The following SLC12A6 variants were observed in gnomAD, a reference collection of about 807,000 sequenced individuals.
The protein encoded by SLC12A6 is K-Cl cotransporter 3.
SLC12A6 carries 66 observed loss-of-function variants against 135.3 expected under a neutral mutation model. The observed-to-expected ratio is 0.49, with a 90% CI of 0.40 to 0.60. The LOEUF (loss-of-function observed/expected upper bound fraction) is 0.60. Among genes scored for constraint, SLC12A6 ranks in the 20% least tolerant of loss-of-function variants. The pLI is 0.00. For synonymous variants in SLC12A6, 513 were observed against 508.8 expected, an observed-to-expected ratio of 1.01 and a Z score of -0.11; for missense variants, 1,058 against 1,452.3, an observed-to-expected ratio of 0.73 and a Z score of 4.41.
chr15:34,250,514 C>A (rs1892312887), intron 12 of SLC12A6, 117 bp downstream of exon 12: 1 of 833,732 alleles, frequency 1.2e-6, no homozygotes, highest in African/African-American at 1.7e-5. Context: ...GATAATCTGG[C>A]AAGAAGTGAA....
At chr15:34,288,624 T>C (rs1489240225) in intron 2 of SLC12A6, among the ~76,000 whole-genome samples, 1 of 152,246 alleles carries the variant, frequency 6.6e-6, no homozygotes, top group Non-Finnish European at 1.5e-5. Context: ...GAGCATAGAA[T>C]GTTTTTCCAT....
chr15:34,245,688 C>T lies in SLC12A6; in HGVS notation c.1824+5G>A. On this transcript the variant is annotated splice_donor_5th_base_variant and intron_variant, in intron 14 of 25. Transcript: ENST00000354181. Reference sequence around the variant, plus strand: ...AAGAAGAGGGCATAATAAAAGGTCACTCACCCTCAGAAACGGTATGATGTT... The same window carrying T: ...AAGAAGAGGGCATAATAAAAGGTCATTCACCCTCAGAAACGGTATGATGTT... The T allele has an allele frequency of 6.2e-7, 1 of 1,610,560 alleles. No homozygotes were observed. Among genetic ancestry groups the T allele is most frequent in the Non-Finnish European group, 8.5e-7 (1 of 1,176,800 alleles).
chr15:34,300,692 C>T (rs933760389), intron 2 of SLC12A6, among the ~76,000 whole-genome samples: 1 of 151,182 alleles, frequency 6.6e-6, no homozygotes, highest in African/African-American at 2.4e-5. Context: ...ACTTGGGAGG[C>T]TGAGGCACGA....
At chr15:34,255,241 C>T in intron 8 of SLC12A6, 21 bp downstream of exon 8, 4 of 1,551,900 alleles carry the variant, frequency 2.6e-6, no homozygotes, top group East Asian at 2.2e-5. Context: ...TATTATAGAC[C>T]ACAATGAAGT....
At position 34,283,145 on chromosome 15, in the gene SLC12A6, C is replaced by T. The variant is rs144390068; in HGVS notation, c.272-7756G>A. 1.0e-3 allele frequency among the ~76,000 whole-genome samples: 157 copies of T among 152,246 alleles called. 1 individual carries two copies. The highest frequency in any genetic ancestry group is 3.5e-3 in the South Asian group (17 of 4,822). On this transcript the variant is annotated intron_variant, in intron 2 of 25. Coordinates refer to ENST00000354181, the MANE Select transcript of SLC12A6 (RefSeq NM_001365088.1). ...ATCACCTGAGGTCAGGAGTTCAAGACCAGCCTGGCCAACATGGTGAAACCC... is the reference window on the plus strand; with the variant it reads ...ATCACCTGAGGTCAGGAGTTCAAGATCAGCCTGGCCAACATGGTGAAACCC...
intron 6 of SLC12A6, among the ~76,000 whole-genome samples, chr15:34,257,171 G>A (rs1892811564): frequency 6.6e-6 from 1 of 152,176 alleles, no homozygotes; most frequent in African/African-American, 2.4e-5. Flanking sequence ...TCAGTAGAGA[G>A]AAGACCTGGA....
chr15:34,262,467 C>T (rs1179311344), intron 3 of SLC12A6, among the ~76,000 whole-genome samples: 1 of 152,140 alleles, frequency 6.6e-6, no homozygotes, highest in Non-Finnish European at 1.5e-5. Context: ...GGAACAAGAA[C>T]TCAGGACCCA....
At position 34,250,933 on chromosome 15, in the gene SLC12A6, C is replaced by T. The variant is rs781102586; in HGVS notation, c.1458G>A (p.Thr486=). Residue 486 remains threonine (T), a synonymous_variant, in exon 11 of 26, where the codon ACG becomes ACA. Transcript: ENST00000354181. ...AGGGAAAGAAGATTCCCACCAGAAG[C>T]GTGAAGGAGGTGGTGATGTCAACAA... The part of the protein sequence containing the change: ...YVLVDITTSF[T]LLVGIFFPSV... The T allele has an allele frequency of 2.5e-6, 4 of 1,612,242 alleles. No homozygotes were observed. Among genetic ancestry groups the T allele is most frequent in the Non-Finnish European group, 3.4e-6 (4 of 1,178,410 alleles).
At position 34,241,345 on chromosome 15, in the gene SLC12A6, A is replaced by G. The variant is rs777568676; in HGVS notation, c.2163-8T>C. The G allele has an allele frequency of 9.4e-6, 14 of 1,485,884 alleles. No homozygotes were observed. Among genetic ancestry groups the G allele is most frequent in the Middle Eastern group, 1.7e-4 (1 of 5,822 alleles). The allele number at this position is 1,485,884 out of a possible 1,614,324, so 92.0% of individuals were successfully genotyped here. ...CCCCATTCTTTCTCAGCTCTGTGAG[A>G]AAAAGAAAAGAGCAGAGACAAATTT... On this transcript the variant is annotated splice_polypyrimidine_tract_variant and splice_region_variant and intron_variant, in intron 17 of 25. Coordinates refer to ENST00000354181, the MANE Select transcript of SLC12A6 (RefSeq NM_001365088.1).
Position 34,296,863 on chromosome 15 carries a change from T to C in SLC12A6, c.272-21474A>G, listed in dbSNP as rs151322830. Among the ~76,000 whole-genome samples the C allele has an allele frequency of 2.9e-4, 44 of 152,320 alleles. No individual in the cohort carries two copies. The East Asian group carries it at 3.3e-3, about 11-fold the overall frequency. ...GATAAAGAACATCCACATAGAAAAGTAGATATGCTTCTACTTTGATATTTG... is the reference window on the plus strand; with the variant it reads ...GATAAAGAACATCCACATAGAAAAGCAGATATGCTTCTACTTTGATATTTG... On this transcript the variant is annotated intron_variant, in intron 2 of 25. Transcript: ENST00000354181.
intron 2 of SLC12A6, among the ~76,000 whole-genome samples, chr15:34,284,975 C>G (rs1442887871): frequency 6.6e-6 from 1 of 152,076 alleles, no homozygotes; most frequent in Non-Finnish European, 1.5e-5. Context: ...GCAAGGAGAC[C>G]GGATTATCAG....
intron 8 of SLC12A6, 51 bp from the exon 9 acceptor site, chr15:34,254,640 T>C: frequency 7.2e-7 from 1 of 1,384,798 alleles, no homozygotes; most frequent in Non-Finnish European, 1.0e-6. Flanking sequence ...AATAATTAAG[T>C]AAAAAGGCTG....
chr15:34,277,753 C>G (rs538395403), intron 2 of SLC12A6, among the ~76,000 whole-genome samples: 1 of 152,168 alleles, frequency 6.6e-6, no homozygotes, highest in Non-Finnish European at 1.5e-5. Flanking sequence ...CTTCAAGATT[C>G]TGATTCCCAG....
chr15:34,250,532 A>G (rs1028923082), intron 12 of SLC12A6, 99 bp downstream of exon 12: 7 of 845,724 alleles, frequency 8.3e-6, no homozygotes, highest in Non-Finnish European at 1.4e-5. Context: ...GAAGTGATAG[A>G]AAGCAGGTAT....
At chr15:34,298,379 G>C (rs1450974642) in intron 2 of SLC12A6, among the ~76,000 whole-genome samples, 3 of 152,104 alleles carry the variant, frequency 2.0e-5, no homozygotes, top group Non-Finnish European at 2.9e-5. Flanking sequence ...GGAGGCAGAG[G>C]CAGGAGAACT....
chr15:34,282,352 T>C (rs925218791), intron 2 of SLC12A6, among the ~76,000 whole-genome samples: 3 of 152,166 alleles, frequency 2.0e-5, no homozygotes, highest in Admixed American at 6.5e-5. Flanking sequence ...CCTAAACACA[T>C]AGGAAAAGAT....
At chr15:34,269,742 T>C (rs1026827463) in intron 3 of SLC12A6, among the ~76,000 whole-genome samples, 15 of 152,140 alleles carry the variant, frequency 9.9e-5, no homozygotes, top group African/African-American at 3.6e-4. Flanking sequence ...GTAATTCCTA[T>C]AAATTGGTAG....
At chr15:34,320,347 G>T (rs1020297289) in intron 2 of SLC12A6, among the ~76,000 whole-genome samples, 1 of 152,122 alleles carries the variant, frequency 6.6e-6, no homozygotes, top group Non-Finnish European at 1.5e-5. Flanking sequence ...GCGGCAACAC[G>T]GATGGAACTG....
At chr15:34,312,017 C>A (rs562148526) in intron 2 of SLC12A6, among the ~76,000 whole-genome samples, 1 of 152,284 alleles carries the variant, frequency 6.6e-6, no homozygotes, top group Non-Finnish European at 1.5e-5. Context: ...TTTTTGAGTG[C>A]TGTCACATAT....
Sources: allele counts gnomAD v4.1 joint callset (sites outside exome capture counted in the v4.1 genomes callset), GRCh38; gene constraint gnomAD v4.1.1; transcripts MANE v1.5; gene names NCBI Gene and HGNC (gene_info 2026-07-23, HGNC 2026-07-21).